The following ZNF135 variants were observed in gnomAD, a reference collection of about 807,000 sequenced individuals.
ZNF135 encodes zinc finger protein 135.
In ZNF135, 11 loss-of-function variants were observed where a neutral mutation model predicts 12.3. The ratio of observed to expected loss-of-function variants is 0.89; its 90% CI spans 0.56 to 1.48. The LOEUF (loss-of-function observed/expected upper bound fraction) is 1.48. Among genes scored for constraint, ZNF135 ranks in the 40% most tolerant of loss-of-function variants. The probability of loss-of-function intolerance (pLI) is 0.00; values close to 1 mark genes in which losing one functional copy is unlikely to be tolerated. For synonymous variants in ZNF135, 316 were observed against 312.0 expected (o/e 1.01, Z -0.14); for missense variants, 722 against 815.7 (o/e 0.89, Z 1.40).
At position 58,067,122 on chromosome 19, in the gene ZNF135, C is replaced by G. The variant is rs2074082200; in HGVS notation, c.638C>G (p.Pro213Arg). The G allele has an allele frequency of 2.5e-6, 4 of 1,614,164 alleles. No individual in the cohort carries two copies. The highest frequency in any genetic ancestry group is 3.4e-6 in the Non-Finnish European group (4 of 1,180,034). ...CAGAAAACCTGTGTAAAAGAGAAAC[C>G]CTACAAATGTCAGGAATGCGGAAAG... ...VLQKTCVKEK[P>R]YKCQECGKAF... Residue 213 changes from proline (P) to arginine (R), a missense_variant, in exon 5 of 5, where the codon CCC (proline) becomes CGC (arginine). Coordinates refer to ENST00000313434, the MANE Select transcript of ZNF135 (RefSeq NM_001289401.2).
rs755320899 is a variant in ZNF135, at chr19:58,059,340, G to A, written c.-35+30G>A. The A allele has an allele frequency of 1.8e-5, 24 of 1,342,446 alleles. No individual in the cohort carries two copies. The highest frequency in any genetic ancestry group is 2.2e-5 in the Non-Finnish European group (22 of 1,017,976). The allele number at this position is 1,342,446 out of a possible 1,614,324, so 83.2% of individuals were successfully genotyped here. A position where few individuals can be genotyped will look rare whatever the true frequency, so the allele number is the denominator to read the frequency against. On this transcript the variant is annotated intron_variant, in intron 1 of 4. Transcript: ENST00000313434. The surrounding 1 kb of genome is among the most constrained non-coding windows in gnomAD (Gnocchi z 6.5). ...GCTAGGCCGGCGAGGAGGGGGAGGG[G>A]AGGCCAGGCCGGGCCGGGCCGGGCC...
chr19:58,061,446 A>T, intron 2 of ZNF135, 134 bp from the exon 3 acceptor site: 1 of 1,161,842 alleles, frequency 8.6e-7, no homozygotes, highest in Non-Finnish European at 1.2e-6. Flanking sequence ...TCCAGGCCCC[A>T]CAGAAAAACC....
rs1004198266 is a variant in ZNF135 at position 58,068,655 on chromosome 19, C to T, written c.*194C>T. The T allele has an allele frequency of 9.9e-6, 6 of 607,478 alleles. No homozygotes were observed. Among genetic ancestry groups the T allele is most frequent in the Non-Finnish European group, 1.7e-5 (6 of 356,550 alleles). 37.6% of individuals were successfully genotyped at this position (607,478 alleles called of 1,614,324 possible). A position where few individuals can be genotyped will look rare whatever the true frequency, so the allele number is the denominator to read the frequency against. ...TGGGACCACCAAGCTCTAGGTCATC[C>T]ATCTCTGCATCCAAATAGTAGGGAA... On this transcript the variant is annotated 3_prime_UTR_variant, in exon 5 of 5. Transcript: ENST00000313434.
Position 58,067,197 on chromosome 19 carries a change from G to T in ZNF135, c.713G>T (p.Gly238Val), listed in dbSNP as rs766065845. Residue 238 changes from glycine (G) to valine (V), a missense_variant, in exon 5 of 5, where the codon GGA (glycine) becomes GTA (valine). Transcript: ENST00000313434. Reference sequence around the variant, plus strand: ...ATCGAACACCACCGGACGCACACAGGAGAGAGACCTTACGAATGTCACGAA... The same window carrying T: ...ATCGAACACCACCGGACGCACACAGTAGAGAGACCTTACGAATGTCACGAA... ...ALIEHHRTHT[G>V]ERPYECHECL... 1 of 1,614,094 alleles carries T rather than the reference G, an allele frequency of 6.2e-7. No individual in the cohort carries two copies. The highest frequency in any genetic ancestry group is 8.5e-7 in the Non-Finnish European group (1 of 1,179,944).
In ZNF135 at chr19:58,067,755, TC is replaced by T; in HGVS notation, c.1273del (p.Leu425Ter). ...GGGAAAGCCTTCAGTCAGAGCACAC[TC>T]CTGACCGAGCATCGGAGGATTCACA... ...ECGKAFSQSTLLTEHRRIHTG... is the reference protein window; with the variant it reads ...ECGKAFSQSTXLTEHRRIHTG... On this transcript the variant is annotated frameshift_variant, in exon 5 of 5. Coordinates refer to ENST00000313434, the MANE Select transcript of ZNF135 (RefSeq NM_001289401.2). LOFTEE classifies it low-confidence loss of function (END_TRUNC). The T allele has an allele frequency of 6.2e-7, 1 of 1,611,984 alleles. No individual in the cohort carries two copies. Among genetic ancestry groups the T allele is most frequent in the African/African-American group, 1.3e-5 (1 of 74,216 alleles).
In ZNF135 at chr19:58,060,129, G is replaced by A. The variant is rs1219023251; in HGVS notation, c.33+94G>A. ...ACGCCCGGCCTCCTCTTTGCACCCCGTCCCTACTCGCGCTCAGCCTCCTCC... is the reference window on the plus strand; with the variant it reads ...ACGCCCGGCCTCCTCTTTGCACCCCATCCCTACTCGCGCTCAGCCTCCTCC... On this transcript the variant is annotated intron_variant, in intron 2 of 4. Coordinates refer to ENST00000313434, the MANE Select transcript of ZNF135 (RefSeq NM_001289401.2). This position sits in a 1 kb window ranked among gnomAD's most constrained non-coding sequence, Gnocchi z 4.9. The A allele has an allele frequency of 2.5e-6, 4 of 1,590,978 alleles. No homozygotes were observed. The highest frequency in any genetic ancestry group is 2.3e-5 in the East Asian group (1 of 44,052).
rs901636703 is a variant in ZNF135 at position 58,068,600 on chromosome 19, CAG to C, written c.*144_*145del. The C allele has an allele frequency of 4.3e-6, 4 of 929,650 alleles. No individual in the cohort carries two copies. The African/African-American group carries it at 5.0e-5, about 12-fold the overall frequency. The allele number at this position is 929,650 out of a possible 1,614,324, so 57.6% of individuals were successfully genotyped here. A position where few individuals can be genotyped will look rare whatever the true frequency, so the allele number is the denominator to read the frequency against. ...ACACAGCACTCCCCTCAGACACCCT[CAG>C]AGAGTTCACACTGATGGGAAATGAC... On this transcript the variant is annotated 3_prime_UTR_variant, in exon 5 of 5. Coordinates refer to ENST00000313434, the MANE Select transcript of ZNF135 (RefSeq NM_001289401.2).
chr19:58,067,432 C>A lies in ZNF135; in HGVS notation c.948C>A (p.His316Gln). ...GTTTTAGGTCCTCCTTCAGCCAGCACGAGCGAACTCACACAGGCGAGAAGC... is the reference window on the plus strand; with the variant it reads ...GTTTTAGGTCCTCCTTCAGCCAGCAAGAGCGAACTCACACAGGCGAGAAGC... Reference protein sequence around the residue: ...SFSFRSSFSQHERTHTGEKPY... With the variant: ...SFSFRSSFSQQERTHTGEKPY... Residue 316 changes from histidine (H) to glutamine (Q), a missense_variant, in exon 5 of 5, where the codon CAC becomes CAA. Physicochemically the swap from His to Gln is conservative, Grantham distance 24. Coordinates refer to ENST00000313434, the MANE Select transcript of ZNF135 (RefSeq NM_001289401.2). 6.2e-7 allele frequency: 1 copy of A among 1,613,990 alleles called. No individual in the cohort carries two copies. Among genetic ancestry groups the A allele is most frequent in the Non-Finnish European group, 8.5e-7 (1 of 1,179,956 alleles).
At chr19:58,064,082 G>C (rs913344521) in intron 4 of ZNF135, among the ~76,000 whole-genome samples, 10 of 152,206 alleles carry the variant, frequency 6.6e-5, no homozygotes, top group African/African-American at 2.4e-4. Flanking sequence ...CTGTGGGTCA[G>C]TGGATCCAGG....
At position 58,059,402 on chromosome 19, in the gene ZNF135, G is replaced by C; in HGVS notation, c.-35+92G>C. ...GTCCGGGGATCTTCCTGAGGCCCTG[G>C]CGGGGCGAGTTTCCAGCAGCGCGCG... is the stretch of plus-strand genomic sequence containing the variant. On this transcript the variant is annotated intron_variant, in intron 1 of 4. Transcript: ENST00000313434. This position sits in a 1 kb window ranked among gnomAD's most constrained non-coding sequence, Gnocchi z 6.5. 1.1e-6 allele frequency: 1 copy of C among 949,686 alleles called. No individual in the cohort carries two copies. The highest frequency in any genetic ancestry group is 1.5e-6 in the Non-Finnish European group (1 of 689,198). The allele number at this position is 949,686 out of a possible 1,614,324, so 58.8% of individuals were successfully genotyped here.
rs751945047 is a variant in ZNF135 at position 58,067,967 on chromosome 19, G to GA, written c.1485dup (p.Cys496MetfsTer3). On this transcript the variant is annotated frameshift_variant, in exon 5 of 5. Transcript: ENST00000313434. LOFTEE classifies it low-confidence loss of function (END_TRUNC). ...AATCCACACAGGGGAGAAGCCCTATGAATGCAATGACTGCGGCAAGGCATT... is the reference window on the plus strand; with the variant it reads ...AATCCACACAGGGGAGAAGCCCTATGAAATGCAATGACTGCGGCAAGGCATT... 3 of 1,613,824 alleles carry GA rather than the reference G, an allele frequency of 1.9e-6. No homozygotes were observed. The South Asian group carries it at 3.3e-5, about 18-fold the overall frequency.
chr19:58,067,059 C>A lies in ZNF135; in HGVS notation c.575C>A (p.Thr192Lys). 6.2e-7 allele frequency: 1 copy of A among 1,614,152 alleles called. No homozygotes were observed. Among genetic ancestry groups the A allele is most frequent in the South Asian group, 1.1e-5 (1 of 91,070 alleles). The change falls in exon 5 of 5, where the codon ACA becomes AAA. Residue 192 changes from threonine to lysine, a missense_variant. Transcript: ENST00000313434. Reference protein sequence around the residue: ...PERQSPHTWGTRGKREKPDLN... With the variant: ...PERQSPHTWGKRGKREKPDLN... The stretch of plus-strand genomic sequence containing the variant: ...AGACAAAGCCCCCACACATGGGGAA[C>A]ACGTGGAAAAAGGGAGAAGCCAGAC...
At position 58,060,672 on chromosome 19, in the gene ZNF135, A is replaced by C. The variant is rs2073961814; in HGVS notation, c.33+637A>C. ...ACCAGCCTCCTGTAGGAATGTCAGA[A>C]AACCCGTACAAGGGGACTGGTGCGA... On this transcript the variant is annotated intron_variant, in intron 2 of 4. Coordinates refer to ENST00000313434, the MANE Select transcript of ZNF135 (RefSeq NM_001289401.2). The surrounding 1 kb of genome is among the most constrained non-coding windows in gnomAD (Gnocchi z 4.9). Among the ~76,000 whole-genome samples the C allele has an allele frequency of 6.6e-6, 1 of 152,166 alleles. No individual in the cohort carries two copies. The highest frequency in any genetic ancestry group is 1.5e-5 in the Non-Finnish European group (1 of 68,024).
Position 58,067,348 on chromosome 19 carries a change from C to T in ZNF135, c.864C>T (p.His288=), listed in dbSNP as rs1171429803. The change falls in exon 5 of 5, where the codon CAC becomes CAT. Residue 288 remains histidine, a synonymous_variant. Coordinates refer to ENST00000313434, the MANE Select transcript of ZNF135 (RefSeq NM_001289401.2). ...ACCAAATTGCCCCACTGATCCAGCACCAGAGAACTCACACAGGTGAGAAGC... is the reference window on the plus strand; with the variant it reads ...ACCAAATTGCCCCACTGATCCAGCATCAGAGAACTCACACAGGTGAGAAGC... The part of the protein sequence containing the change: ...TFNQIAPLIQ[H]QRTHTGEKPY... 1.2e-6 allele frequency: 2 copies of T among 1,614,162 alleles called. No individual in the cohort carries two copies. The highest frequency in any genetic ancestry group is 1.7e-5 in the Admixed American group (1 of 60,018).
At chr19:58,066,695 C>G in intron 4 of ZNF135, 46 bp from the exon 5 acceptor site, 5 of 1,597,566 alleles carry the variant, frequency 3.1e-6, no homozygotes, top group Non-Finnish European at 3.4e-6. Flanking sequence ...ACTCTTTTGC[C>G]GTGGAACAGA....
rs766626591 is a variant in ZNF135, at chr19:58,068,037, G to C, written c.1553G>C (p.Gly518Ala). Residue 518 changes from glycine (G) to alanine (A), a missense_variant, in exon 5 of 5, where the codon GGG becomes GCG. Transcript: ENST00000313434. Reference protein sequence around the residue: ...SLTKHQRIHTGEKPYECNQCG... With the variant: ...SLTKHQRIHTAEKPYECNQCG... ...ACCAAACATCAGCGAATCCACACTG[G>C]GGAGAAGCCCTACGAATGCAACCAG... The C allele has an allele frequency of 1.2e-6, 2 of 1,614,106 alleles. No individual in the cohort carries two copies. Among genetic ancestry groups the C allele is most frequent in the Non-Finnish European group, 1.7e-6 (2 of 1,180,034 alleles).
In ZNF135 at chr19:58,060,666, G is replaced by A. The variant is rs116162385; in HGVS notation, c.33+631G>A. On this transcript the variant is annotated intron_variant, in intron 2 of 4. Coordinates refer to ENST00000313434, the MANE Select transcript of ZNF135 (RefSeq NM_001289401.2). The surrounding 1 kb of genome is among the most constrained non-coding windows in gnomAD (Gnocchi z 4.9). The stretch of plus-strand genomic sequence containing the variant: ...GAAGAAACCAGCCTCCTGTAGGAAT[G>A]TCAGAAAACCCGTACAAGGGGACTG... 3.1e-3 allele frequency among the ~76,000 whole-genome samples: 477 copies of A among 152,276 alleles called. 4 individuals carry two copies. The highest frequency in any genetic ancestry group is 0.011 in the African/African-American group (461 of 41,560).
In ZNF135 at chr19:58,065,404, C is replaced by T. The variant is rs527663391; in HGVS notation, c.257-1337C>T. On this transcript the variant is annotated intron_variant, in intron 4 of 4. Coordinates refer to ENST00000313434, the MANE Select transcript of ZNF135 (RefSeq NM_001289401.2). This position sits in a 1 kb window ranked among gnomAD's most constrained non-coding sequence, Gnocchi z 4.0. ...AGAAACAAGGTCTCATCATTTTGCC[C>T]AGGCATGTCTTGAACTCTTAGGCTC... is the stretch of plus-strand genomic sequence containing the variant. 6.6e-6 allele frequency among the ~76,000 whole-genome samples: 1 copy of T among 152,220 alleles called. No homozygotes were observed. The highest frequency in any genetic ancestry group is 2.4e-5 in the African/African-American group (1 of 41,534).
In ZNF135 at chr19:58,068,320, A is replaced by T. The variant is rs757743187; in HGVS notation, c.1836A>T (p.Gly612=). Residue 612 remains glycine (G), a synonymous_variant, in exon 5 of 5, where the codon GGA becomes GGT. Coordinates refer to ENST00000313434, the MANE Select transcript of ZNF135 (RefSeq NM_001289401.2). ...AGCCCTATGAGTGTCACGATTGCGG[A>T]AAGTCCTTTAGGCAGAGCACCCACC... ...GEKPYECHDC[G]KSFRQSTHLT... 7 of 1,612,626 alleles carry T rather than the reference A, an allele frequency of 4.3e-6. No individual in the cohort carries two copies. The highest frequency in any genetic ancestry group is 5.9e-6 in the Non-Finnish European group (7 of 1,179,544).
Sources: allele counts gnomAD v4.1 joint callset (sites outside exome capture counted in the v4.1 genomes callset), GRCh38; gene constraint gnomAD v4.1.1; non-coding constraint Gnocchi (gnomAD v3.1); transcripts MANE v1.5; gene names NCBI Gene and HGNC (gene_info 2026-07-23, HGNC 2026-07-21).